The following PTCD2 variants were observed in gnomAD, a reference collection of about 807,000 sequenced individuals.
PTCD2 encodes the protein pentatricopeptide repeat domain 2, also known as pentatricopeptide repeat-containing protein 2, mitochondrial.
PTCD2 carries 31 observed loss-of-function variants against 42.6 expected under a neutral mutation model. The observed-to-expected ratio is 0.73, with a 90% confidence interval of 0.55 to 0.98. PTCD2 has a LOEUF of 0.98. Ranked by LOEUF, PTCD2 falls within the 50% of genes least tolerant of loss-of-function variation. PTCD2 has a pLI of 0.00. For synonymous variants in PTCD2, 183 were observed against 170.9 expected (o/e 1.07, Z -0.55); for missense variants, 476 against 454.8 (o/e 1.05, Z -0.42).
chr5:72,336,284 A>G (rs573401265), intron 6 of PTCD2, among the ~76,000 whole-genome samples: 2 of 152,282 alleles, frequency 1.3e-5, no homozygotes, highest in Non-Finnish European at 2.9e-5. Flanking sequence ...GGCTTTTGCA[A>G]TCACCGAAAC....
chr5:72,327,210 C>T lies in PTCD2; in HGVS notation c.350+469C>T, dbSNP rs141310510. On this transcript the variant is annotated intron_variant, in intron 3 of 9. Transcript: ENST00000380639. ...GCTCTAGCCTTCCTCTCTCTATCTC[C>T]GTTAGCAGTGTCTTAGTTCACGCTT... Among the ~76,000 whole-genome samples the T allele has an allele frequency of 6.9e-3, 1,046 of 152,294 alleles. 10 individuals are homozygous for T. Among genetic ancestry groups the T allele is most frequent in the African/African-American group, 0.021 (892 of 41,566 alleles).
In PTCD2 at chr5:72,358,155, G is replaced by A. The variant is rs764098783; in HGVS notation, c.943-48G>A. 7 of 1,481,614 alleles carry A rather than the reference G, an allele frequency of 4.7e-6. No individual in the cohort carries two copies. The Admixed American group carries it at 1.3e-4, about 27-fold the overall frequency. The allele number at this position is 1,481,614 out of a possible 1,614,324, so 91.8% of individuals were successfully genotyped here. ...TTTCTTAGGGTTATAGTAAGAATAA[G>A]GAAGAAATCTTGCAGAGATGTAATG... is the stretch of plus-strand genomic sequence containing the variant. On this transcript the variant is annotated intron_variant, in intron 9 of 9. Transcript: ENST00000380639.
At chr5:72,349,120 G>T (rs1253432045) in intron 8 of PTCD2, among the ~76,000 whole-genome samples, 1 of 152,198 alleles carries the variant, frequency 6.6e-6, no homozygotes, top group Non-Finnish European at 1.5e-5. Context: ...TCCACGCCTT[G>T]TGTGGCATTC....
At chr5:72,328,643 G>T (rs1049801091) in intron 3 of PTCD2, among the ~76,000 whole-genome samples, 2 of 151,914 alleles carry the variant, frequency 1.3e-5, no homozygotes, top group African/African-American at 4.8e-5. Context: ...CAGATGTAAA[G>T]ATTTCATTGT....
At chr5:72,324,926 G>GTT (rs1205652819) in intron 2 of PTCD2, among the ~76,000 whole-genome samples, 3 of 145,548 alleles carry the variant, frequency 2.1e-5, no homozygotes, top group East Asian at 2.0e-4. Context: ...TTAAGGTGTT[G>GTT]TTTTTTTTTT....
Position 72,335,722 on chromosome 5 carries a change from G to A in PTCD2, c.548-72G>A, listed in dbSNP as rs1426512874. The A allele has an allele frequency of 7.4e-6, 7 of 942,278 alleles. No individual in the cohort carries two copies. The Admixed American group carries it at 1.2e-4, about 17-fold the overall frequency. 58.4% of individuals were successfully genotyped at this position (942,278 alleles called of 1,614,324 possible). A position where few individuals can be genotyped will look rare whatever the true frequency, so the allele number is the denominator to read the frequency against. On this transcript the variant is annotated intron_variant, in intron 5 of 9. Transcript: ENST00000380639. ...AATACACTTTTCTGTAGATGGTGCTGAACAGATGAGAGCTTTGGGGGCCAA... is the reference window on the plus strand; with the variant it reads ...AATACACTTTTCTGTAGATGGTGCTAAACAGATGAGAGCTTTGGGGGCCAA...
chr5:72,320,600 G>C, intron 1 of PTCD2, 91 bp downstream of exon 1: 2 of 1,568,492 alleles, frequency 1.3e-6, no homozygotes, highest in Non-Finnish European at 1.7e-6. Context: ...AGCAGCCACA[G>C]CTCCTAAGTC....
intron 9 of PTCD2, among the ~76,000 whole-genome samples, chr5:72,356,504 A>G: frequency 5.4e-3 from 1 of 184 alleles, no homozygotes; most frequent in African/African-American, 0.033. Context: ...AAACGTCTGC[A>G]TTTTACAAAG....
chr5:72,361,511 T>G lies in PTCD2; in HGVS notation c.*3084T>G, dbSNP rs1753094132. The G allele has an allele frequency of 6.6e-6, 1 of 152,160 alleles. No individual in the cohort carries two copies. The highest frequency in any genetic ancestry group is 6.5e-5 in the Admixed American group (1 of 15,274). The allele number at this position is 152,160 out of a possible 1,614,324, so 9.4% of individuals were successfully genotyped here. On this transcript the variant is annotated 3_prime_UTR_variant, in exon 10 of 10. Coordinates refer to ENST00000380639, the MANE Select transcript of PTCD2 (RefSeq NM_024754.5). Reference sequence around the variant, plus strand: ...AGGACCAGGCAGAAGCAGTTACATTTTATGACCTAGTCTCAGAAGTCTCAT... The same window carrying G: ...AGGACCAGGCAGAAGCAGTTACATTGTATGACCTAGTCTCAGAAGTCTCAT...
intron 3 of PTCD2, 120 bp from the exon 4 acceptor site, chr5:72,331,138 C>T: frequency 1.4e-6 from 1 of 697,796 alleles, no homozygotes; most frequent in East Asian, 2.5e-5. Flanking sequence ...CCCCTCCAGA[C>T]TGTGAGAGGA....
At chr5:72,324,204 C>T (rs1474904246) in intron 2 of PTCD2, among the ~76,000 whole-genome samples, 1 of 152,110 alleles carries the variant, frequency 6.6e-6, no homozygotes, top group Non-Finnish European at 1.5e-5. Context: ...TTGTCATAGT[C>T]TTCATAAGTC....
In PTCD2 at chr5:72,361,383, T is replaced by C. The variant is rs1753091750; in HGVS notation, c.*2956T>C. Reference sequence around the variant, plus strand: ...ATCTCAAAGGCTTCCTTAGTATTTCTGGCAGTTGATGCTAGGACCTCAGCT... The same window carrying C: ...ATCTCAAAGGCTTCCTTAGTATTTCCGGCAGTTGATGCTAGGACCTCAGCT... On this transcript the variant is annotated 3_prime_UTR_variant, in exon 10 of 10. Coordinates refer to ENST00000380639, the MANE Select transcript of PTCD2 (RefSeq NM_024754.5). The C allele has an allele frequency of 6.6e-6, 1 of 152,266 alleles. No homozygotes were observed. The highest frequency in any genetic ancestry group is 2.4e-5 in the African/African-American group (1 of 41,466). The allele number at this position is 152,266 out of a possible 1,614,324, so 9.4% of individuals were successfully genotyped here.
intron 8 of PTCD2, among the ~76,000 whole-genome samples, chr5:72,346,007 T>G (rs1752339457): frequency 6.6e-6 from 1 of 152,202 alleles, no homozygotes; most frequent in South Asian, 2.1e-4. Context: ...AGGTGACTTT[T>G]CAGAGAATGA....
In PTCD2 at chr5:72,358,677, G is replaced by A. The variant is rs553464139; in HGVS notation, c.*250G>A. 1 of 523,690 alleles carries A rather than the reference G, an allele frequency of 1.9e-6. No individual in the cohort carries two copies. Among genetic ancestry groups the A allele is most frequent in the African/African-American group, 1.9e-5 (1 of 52,470 alleles). The allele number at this position is 523,690 out of a possible 1,614,324, so 32.4% of individuals were successfully genotyped here. A position where few individuals can be genotyped will look rare whatever the true frequency, so the allele number is the denominator to read the frequency against. On this transcript the variant is annotated 3_prime_UTR_variant, in exon 10 of 10. Coordinates refer to ENST00000380639, the MANE Select transcript of PTCD2 (RefSeq NM_024754.5). ...TTTTGCATGGCTGAGGATCCTTGAA[G>A]GAACCTGGTCAGTCTCCGGTTCAGC...
At chr5:72,327,582 C>A (rs910985623) in intron 3 of PTCD2, among the ~76,000 whole-genome samples, 1 of 150,524 alleles carries the variant, frequency 6.6e-6, no homozygotes, top group Non-Finnish European at 1.5e-5. Flanking sequence ...AAGCAATTCT[C>A]TTGCCTCAGT....
chr5:72,361,851 C>T lies in PTCD2; in HGVS notation c.*3424C>T, dbSNP rs568034269. On this transcript the variant is annotated 3_prime_UTR_variant, in exon 10 of 10. Coordinates refer to ENST00000380639, the MANE Select transcript of PTCD2 (RefSeq NM_024754.5). ...CTCATCATTCAGGTCTTGGCTTAGA[C>T]ATCTTTTCATCTGAGAAGGCTTTCT... 2 of 152,398 alleles carry T rather than the reference C, an allele frequency of 1.3e-5. No homozygotes were observed. Among genetic ancestry groups the T allele is most frequent in the African/African-American group, 4.8e-5 (2 of 41,568 alleles). The allele number at this position is 152,398 out of a possible 1,614,324, so 9.4% of individuals were successfully genotyped here. A position where few individuals can be genotyped will look rare whatever the true frequency, so the allele number is the denominator to read the frequency against.
At chr5:72,347,967 G>T (rs1023800424) in intron 8 of PTCD2, among the ~76,000 whole-genome samples, 4 of 152,186 alleles carry the variant, frequency 2.6e-5, no homozygotes, top group African/African-American at 9.7e-5. Flanking sequence ...AAGTGATACT[G>T]AGTATGAATC....
chr5:72,351,113 A>G (rs1223643368), intron 8 of PTCD2, among the ~76,000 whole-genome samples: 1 of 152,230 alleles, frequency 6.6e-6, no homozygotes, highest in Non-Finnish European at 1.5e-5. Context: ...ATATATTTGG[A>G]AGATTTATAC....
rs776903948 is a variant in PTCD2 at position 72,358,379 on chromosome 5, C to T, written c.1119C>T (p.Val373=). Residue 373 remains valine, a synonymous_variant, in exon 10 of 10, where the codon GTC becomes GTT. Transcript: ENST00000380639. ...SHTLLLNKRM[V]SRRTFQPLSQ... is the part of the protein sequence containing the mutation. ...CGTTGCTATTAAACAAGAGGATGGT[C>T]AGCCGTCGCACCTTCCAGCCACTCA... 13 of 1,613,742 alleles carry T rather than the reference C, an allele frequency of 8.1e-6. No individual in the cohort carries two copies. In the South Asian group the frequency reaches 1.3e-4, roughly 16 times the overall value.
Sources: allele counts gnomAD v4.1 joint callset (sites outside exome capture counted in the v4.1 genomes callset), GRCh38; gene constraint gnomAD v4.1.1; transcripts MANE v1.5; gene names NCBI Gene and HGNC (gene_info 2026-07-23, HGNC 2026-07-21).